The following MOB3B variants were observed in gnomAD, a reference collection of about 807,000 sequenced individuals.
MOB3B encodes the protein MOB kinase activator 3B, also known as MOB kinase activator-like 2B.
In MOB3B, 7 loss-of-function variants were observed where a neutral mutation model predicts 18.7. The observed-to-expected ratio is 0.37, with a 90% CI of 0.21 to 0.70. The LOEUF is 0.70. Among genes scored for constraint, MOB3B ranks in the 30% least tolerant of loss-of-function variants. MOB3B has a pLI of 0.52. For missense variants in MOB3B, 253 were observed against 281.3 expected (o/e 0.90, Z 0.72); for synonymous variants, 111 against 99.9 (o/e 1.11, Z -0.66).
At position 27,455,349 on chromosome 9, in the gene MOB3B, A is replaced by G; in HGVS notation, c.202T>C (p.Phe68Leu). ...CCATAGATGAGGTTGATCCGATTGA[A>G]GAAGTCCACCACATGTACTGCCACC... ...DWVAVHVVDF[F>L]NRINLIYGTI... is the part of the protein sequence containing the mutation. Residue 68 changes from phenylalanine to leucine, a missense_variant, in exon 2 of 4, where the codon TTC (phenylalanine) becomes CTC (leucine). By Grantham distance (22) the Phe-to-Leu change is conservative (BLOSUM62 0). Transcript: ENST00000262244. The G allele has an allele frequency of 6.2e-7, 1 of 1,614,132 alleles. No individual in the cohort carries two copies. Among genetic ancestry groups the G allele is most frequent in the Non-Finnish European group, 8.5e-7 (1 of 1,180,018 alleles).
intron 2 of MOB3B, among the ~76,000 whole-genome samples, chr9:27,391,160 C>T (rs776599189): frequency 7.2e-5 from 11 of 152,182 alleles, no homozygotes; most frequent in Non-Finnish European, 1.5e-4. Context: ...TTTTCTGAAA[C>T]GAGGTCTTGG....
intron 2 of MOB3B, among the ~76,000 whole-genome samples, chr9:27,443,097 T>C (rs1478644206): frequency 1.3e-5 from 2 of 152,192 alleles, no homozygotes; most frequent in African/African-American, 4.8e-5. Context: ...TTTGATTCAC[T>C]AAATATAGGG....
chr9:27,350,235 C>CAAA (rs34779449), intron 3 of MOB3B, among the ~76,000 whole-genome samples: 4 of 66,856 alleles, frequency 6.0e-5, no homozygotes, highest in Admixed American at 1.7e-4. Context: ...AAGTATATAC[C>CAAA]AAAAAAAAAA....
intron 2 of MOB3B, among the ~76,000 whole-genome samples, chr9:27,445,231 T>C (rs1442883580): frequency 6.6e-6 from 1 of 152,240 alleles, no homozygotes; most frequent in Non-Finnish European, 1.5e-5. Flanking sequence ...CTAAGCACTT[T>C]ATGTGCATTA....
chr9:27,334,046 C>A (rs1820828558), intron 3 of MOB3B, among the ~76,000 whole-genome samples: 1 of 152,222 alleles, frequency 6.6e-6, no homozygotes, highest in South Asian at 2.1e-4. Flanking sequence ...ATCTCCATCA[C>A]TTTGCACACA....
At chr9:27,519,841 G>T (rs960863903) in intron 1 of MOB3B, among the ~76,000 whole-genome samples, 4 of 151,926 alleles carry the variant, frequency 2.6e-5, no homozygotes, top group African/African-American at 9.7e-5. Context: ...AAATGAGGCT[G>T]ACCCCAATGC....
chr9:27,501,046 A>G lies in MOB3B; in HGVS notation c.-199+28509T>C, dbSNP rs903186908. On this transcript the variant is annotated intron_variant, in intron 1 of 3. Transcript: ENST00000262244. ...TAGAGAACTGCAAATCAAAACCACA[A>G]TGAGATACCATCTCACACTAGTTAG... is the stretch of plus-strand genomic sequence containing the variant. 2.6e-5 allele frequency among the ~76,000 whole-genome samples: 4 copies of G among 152,220 alleles called. No individual in the cohort carries two copies. The East Asian group carries it at 5.8e-4, about 22-fold the overall frequency.
intron 2 of MOB3B, among the ~76,000 whole-genome samples, chr9:27,366,083 G>C (rs1365825929): frequency 1.3e-5 from 2 of 152,154 alleles, no homozygotes; most frequent in African/African-American, 4.8e-5. Context: ...AGTAAGGAGA[G>C]TGCAGGCCTG....
At position 27,521,985 on chromosome 9, in the gene MOB3B, G is replaced by A. The variant is rs146911879; in HGVS notation, c.-199+7570C>T. On this transcript the variant is annotated intron_variant, in intron 1 of 3. Coordinates refer to ENST00000262244, the MANE Select transcript of MOB3B (RefSeq NM_024761.5). ...TGGCCAGGTACAGTGGCTCACGCCT[G>A]TAATCCCAGCACTTTGGGAGGCCGA... Among the ~76,000 whole-genome samples the A allele has an allele frequency of 4.0e-3, 607 of 152,128 alleles. 2 individuals carry two copies. Among genetic ancestry groups the A allele is most frequent in the African/African-American group, 0.014 (574 of 41,516 alleles).
At chr9:27,345,772 T>C (rs1821024130) in intron 3 of MOB3B, among the ~76,000 whole-genome samples, 1 of 152,186 alleles carries the variant, frequency 6.6e-6, no homozygotes, top group Non-Finnish European at 1.5e-5. Flanking sequence ...CTATGTGTAT[T>C]TCATGGGCTC....
chr9:27,405,156 G>A (rs540864556), intron 2 of MOB3B, among the ~76,000 whole-genome samples: 3 of 132,112 alleles, frequency 2.3e-5, no homozygotes, highest in Non-Finnish European at 4.6e-5. Context: ...CGCCCAGGCT[G>A]GAGTGCAGTG....
intron 2 of MOB3B, among the ~76,000 whole-genome samples, chr9:27,443,071 G>A (rs1822619668): frequency 6.6e-6 from 1 of 152,038 alleles, no homozygotes; most frequent in Non-Finnish European, 1.5e-5. Flanking sequence ...CAGATTTCTG[G>A]GCCACTTCCA....
chr9:27,516,102 A>G (rs1820229088), intron 1 of MOB3B, among the ~76,000 whole-genome samples: 1 of 152,230 alleles, frequency 6.6e-6, no homozygotes, highest in Non-Finnish European at 1.5e-5. Context: ...ACCAGCAAGT[A>G]CCAGAAGCTA....
At chr9:27,462,225 T>C (rs1379617475) in intron 1 of MOB3B, among the ~76,000 whole-genome samples, 1 of 152,186 alleles carries the variant, frequency 6.6e-6, no homozygotes, top group African/African-American at 2.4e-5. Flanking sequence ...ACTGATTTTT[T>C]TTAAAAGAAA....
At chr9:27,526,153 C>T (rs1820433495) in intron 1 of MOB3B, 1 of 152,184 alleles carries the variant, frequency 6.6e-6, no homozygotes, top group Non-Finnish European at 1.5e-5. Context: ...CCAAACTGTT[C>T]AGATTCAAGA....
At chr9:27,354,743 C>A (rs775501457) in intron 3 of MOB3B, among the ~76,000 whole-genome samples, 4 of 152,096 alleles carry the variant, frequency 2.6e-5, no homozygotes, top group Non-Finnish European at 5.9e-5. Context: ...CTTTATATTC[C>A]CAGCCCTCAA....
chr9:27,357,888 CAAAAAAAAAAAAAAAAA>C (rs58851638), intron 3 of MOB3B, among the ~76,000 whole-genome samples: 16 of 57,942 alleles, frequency 2.8e-4, no homozygotes, highest in East Asian at 1.4e-3. Flanking sequence ...CCCATCGCTA[CAAAAAAAAAAAAAAAAA>C]AAAAAAAAAA....
rs1820769654 is a variant in MOB3B, at chr9:27,330,444, G to A, written c.*143C>T. ...AGAGCACACAAAGTGAGTGGGGAAT[G>A]TCTCTCAGGAGTCACTGCTTGCCTC... On this transcript the variant is annotated 3_prime_UTR_variant, in exon 4 of 4. Coordinates refer to ENST00000262244, the MANE Select transcript of MOB3B (RefSeq NM_024761.5). 4.9e-6 allele frequency: 5 copies of A among 1,030,438 alleles called. No individual in the cohort carries two copies. In the East Asian group the frequency reaches 1.1e-4, roughly 22 times the overall value. 63.8% of individuals were successfully genotyped at this position (1,030,438 alleles called of 1,614,324 possible). A position where few individuals can be genotyped will look rare whatever the true frequency, so the allele number is the denominator to read the frequency against.
intron 2 of MOB3B, among the ~76,000 whole-genome samples, chr9:27,368,547 G>C (rs1350686239): frequency 2.6e-5 from 4 of 152,106 alleles, no homozygotes; most frequent in African/African-American, 9.7e-5. Flanking sequence ...CTGTGTAGCA[G>C]GACTTTGTTC....
Sources: gnomAD v4.1 joint callset for allele counts (sites outside exome capture counted in the v4.1 genomes callset) on GRCh38, gnomAD v4.1.1 for gene constraint, MANE v1.5 for transcripts, NCBI Gene and HGNC (gene_info 2026-07-23, HGNC 2026-07-21) for gene names.